The following ANO2 variants were observed in gnomAD, a reference collection of about 807,000 sequenced individuals.
The protein encoded by ANO2 is anoctamin-2.
In ANO2, 101 loss-of-function variants were observed where a neutral mutation model predicts 124.2. That is an observed-to-expected ratio of 0.81 (90% CI 0.69 to 0.96). ANO2 has a LOEUF of 0.96. Among genes scored for constraint, ANO2 ranks in the 40% least tolerant of loss-of-function variants. The pLI, the probability that ANO2 is intolerant of heterozygous loss-of-function variation, is 0.00. For missense variants in ANO2, 1,293 were observed against 1,274.5 expected, an observed-to-expected ratio of 1.01 and a Z score of -0.22; for synonymous variants, 486 against 482.5, an observed-to-expected ratio of 1.01 and a Z score of -0.09.
At chr12:5,893,643 C>T (rs1591754635) in intron 3 of ANO2, among the ~76,000 whole-genome samples, 2 of 151,876 alleles carry the variant, frequency 1.3e-5, no homozygotes, top group South Asian at 2.1e-4. Flanking sequence ...CTCCCCTAGC[C>T]CCCCACCCCA....
intron 14 of ANO2, among the ~76,000 whole-genome samples, chr12:5,670,099 T>A (rs1379372518): frequency 6.6e-6 from 1 of 152,068 alleles, no homozygotes; most frequent in Non-Finnish European, 1.5e-5. Flanking sequence ...AGCACACGTG[T>A]GGGATTTGGA....
At chr12:5,685,124 G>C (rs1948652046) in intron 14 of ANO2, among the ~76,000 whole-genome samples, 2 of 152,312 alleles carry the variant, frequency 1.3e-5, no homozygotes, top group African/African-American at 4.8e-5. Flanking sequence ...TCAGGTATGA[G>C]GCACGAGTCC....
chr12:5,667,007 G>A (rs1947762620), intron 14 of ANO2, among the ~76,000 whole-genome samples: 1 of 152,318 alleles, frequency 6.6e-6, no homozygotes, highest in South Asian at 2.1e-4. Flanking sequence ...TTGCATGAGT[G>A]TCCCTGGCTG....
intron 3 of ANO2, among the ~76,000 whole-genome samples, chr12:5,872,305 A>T (rs1035019624): frequency 3.3e-5 from 5 of 152,126 alleles, no homozygotes; most frequent in Non-Finnish European, 7.4e-5. Context: ...CTTTCCAGGT[A>T]AAGAAGTCCT....
chr12:5,569,362 C>T (rs1367697189), intron 23 of ANO2, among the ~76,000 whole-genome samples: 3 of 152,182 alleles, frequency 2.0e-5, no homozygotes, highest in Non-Finnish European at 2.9e-5. Flanking sequence ...CAGCCGTGCC[C>T]CCAAAGAGAA....
chr12:5,698,393 T>C (rs1949274752), intron 14 of ANO2, among the ~76,000 whole-genome samples: 1 of 152,090 alleles, frequency 6.6e-6, no homozygotes, highest in East Asian at 1.9e-4. Context: ...GTTCTGACTG[T>C]TAGAAGGAAA....
At chr12:5,719,102 C>T (rs959019524) in intron 14 of ANO2, among the ~76,000 whole-genome samples, 5 of 152,238 alleles carry the variant, frequency 3.3e-5, no homozygotes, top group African/African-American at 1.2e-4. Flanking sequence ...AACTCATGCA[C>T]TTTAGGACTT....
intron 3 of ANO2, among the ~76,000 whole-genome samples, chr12:5,857,216 C>T (rs1041395541): frequency 3.3e-5 from 5 of 152,198 alleles, no homozygotes; most frequent in African/African-American, 1.2e-4. Context: ...CCATTCTGCC[C>T]TGCCTGTGGA....
Position 5,854,398 on chromosome 12 carries a change from C to CAAA in ANO2, c.535-260_535-258dup, listed in dbSNP as rs56030072. Among the ~76,000 whole-genome samples the CAAA allele has an allele frequency of 6.7e-3, 511 of 75,894 alleles. 38 individuals are homozygous for CAAA. The highest frequency in any genetic ancestry group is 0.023 in the African/African-American group (381 of 16,800). 49.8% of individuals were successfully genotyped at this position (75,894 alleles called of 152,430 possible). Reference sequence around the variant, plus strand: ...CCCTGGAAGTTTGGTAGCTTCAGAGCAAAAAAAAAAAAAAAAAAAAAACAA... The same window carrying CAAA: ...CCCTGGAAGTTTGGTAGCTTCAGAGCAAAAAAAAAAAAAAAAAAAAAAAAACAA... On this transcript the variant is annotated intron_variant, in intron 3 of 24. Transcript: ENST00000682330.
In ANO2 at chr12:5,666,541, C is replaced by T. The variant is rs546139689; in HGVS notation, c.1546-18740G>A. ...CTGCCATTATTTATCTGCTGTGTGA[C>T]GTTTCATGACCCAGAAGGAAAAAAA... is the stretch of plus-strand genomic sequence containing the variant. On this transcript the variant is annotated intron_variant, in intron 14 of 24. Transcript: ENST00000682330. Among the ~76,000 whole-genome samples the T allele has an allele frequency of 3.3e-5, 5 of 152,196 alleles. 1 individual carries two copies. Among genetic ancestry groups the T allele is most frequent in the Admixed American group, 1.3e-4 (2 of 15,294 alleles).
intron 14 of ANO2, among the ~76,000 whole-genome samples, chr12:5,670,030 C>T (rs1947914650): frequency 6.6e-6 from 1 of 152,210 alleles, no homozygotes; most frequent in South Asian, 2.1e-4. Flanking sequence ...TCCTGTTCCT[C>T]TCTAAGAAGA....
chr12:5,883,861 A>C lies in ANO2; in HGVS notation c.535-29720T>G, dbSNP rs367880683. Among the ~76,000 whole-genome samples, 10 of 152,306 alleles carry C rather than the reference A, an allele frequency of 6.6e-5. No individual in the cohort carries two copies. In the East Asian group the frequency reaches 1.9e-3, roughly 29 times the overall value. On this transcript the variant is annotated intron_variant, in intron 3 of 24. Transcript: ENST00000682330. ...CCATGTAATTAGAATTAATTGTTATAATTGCTAACATTGATTGATTGAGCC... is the reference window on the plus strand; with the variant it reads ...CCATGTAATTAGAATTAATTGTTATCATTGCTAACATTGATTGATTGAGCC...
intron 4 of ANO2, among the ~76,000 whole-genome samples, chr12:5,833,572 C>T (rs373277391): frequency 7.9e-5 from 12 of 152,250 alleles, no homozygotes; most frequent in Middle Eastern, 3.4e-3. Flanking sequence ...ACAAACTGAC[C>T]GGTACTGGTC....
intron 20 of ANO2, among the ~76,000 whole-genome samples, chr12:5,594,297 G>C (rs1943553668): frequency 6.6e-6 from 1 of 152,124 alleles, no homozygotes; most frequent in Non-Finnish European, 1.5e-5. Context: ...TGAATGAATT[G>C]ATAAGTGAAT....
chr12:5,811,829 C>A (rs183934983), intron 7 of ANO2, among the ~76,000 whole-genome samples: 2 of 152,290 alleles, frequency 1.3e-5, no homozygotes, highest in East Asian at 3.9e-4. Context: ...TATTTTCAGT[C>A]TCTGAATGTG....
At chr12:5,874,005 G>C (rs557461526) in intron 3 of ANO2, among the ~76,000 whole-genome samples, 1 of 152,224 alleles carries the variant, frequency 6.6e-6, no homozygotes, top group Non-Finnish European at 1.5e-5. Context: ...CCAGGATAGA[G>C]GCCTCAATGC....
chr12:5,648,901 A>C (rs1180243202), intron 14 of ANO2, among the ~76,000 whole-genome samples: 3 of 152,212 alleles, frequency 2.0e-5, no homozygotes, highest in Non-Finnish European at 4.4e-5. Flanking sequence ...TGATACTCAG[A>C]ACACACCTGA....
At chr12:5,791,936 T>G (rs1952710747) in intron 10 of ANO2, among the ~76,000 whole-genome samples, 1 of 152,240 alleles carries the variant, frequency 6.6e-6, no homozygotes, top group Admixed American at 6.5e-5. Flanking sequence ...TACAGCCATT[T>G]ATTTTATTTG....
intron 13 of ANO2, among the ~76,000 whole-genome samples, chr12:5,734,659 T>C (rs566974080): frequency 9.9e-5 from 15 of 152,032 alleles, no homozygotes; most frequent in African/African-American, 1.7e-4. Context: ...TTCTTTTTTT[T>C]TTTTTTGAGA....
Sources: allele counts gnomAD v4.1 joint callset (sites outside exome capture counted in the v4.1 genomes callset), GRCh38; gene constraint gnomAD v4.1.1; transcripts MANE v1.5; gene names NCBI Gene and HGNC (gene_info 2026-07-23, HGNC 2026-07-21).